The following PPP1R1C variants were observed in gnomAD, a reference collection of about 807,000 sequenced individuals.
PPP1R1C encodes the protein protein phosphatase 1 regulatory subunit 1C.
Under a neutral mutation model 17.4 loss-of-function variants are expected in PPP1R1C, and 15 were observed. The ratio of observed to expected loss-of-function variants is 0.86; its 90% CI spans 0.58 to 1.33. The LOEUF is 1.33. PPP1R1C is among the 40% of genes most tolerant of loss of function. The probability of loss-of-function intolerance (pLI) is 0.00; values close to 1 mark genes in which losing one functional copy is unlikely to be tolerated. For synonymous variants in PPP1R1C, 35 were observed against 43.1 expected (o/e 0.81, Z 0.73); for missense variants, 143 against 130.0 (o/e 1.10, Z -0.48).
intron 4 of PPP1R1C, among the ~76,000 whole-genome samples, chr2:182,077,036 T>G (rs1688334189): frequency 6.6e-6 from 1 of 152,196 alleles, no homozygotes; most frequent in Non-Finnish European, 1.5e-5. Context: ...TACAGTTACT[T>G]GGGCATACAA....
In PPP1R1C at chr2:181,962,092, G is replaced by A. The variant is rs949256696; in HGVS notation, n.111+7458G>A. The stretch of plus-strand genomic sequence containing the variant: ...CCCTCAGGTCCTCGATGGTCTTGAG[G>A]TAATGACTCCAGTCTCTGACCTGGA... On this transcript the variant is annotated intron_variant and non_coding_transcript_variant, in intron 1 of 5. Coordinates refer to the PPP1R1C transcript ENST00000464264. The surrounding 1 kb of genome is among the most constrained non-coding windows in gnomAD (Gnocchi z 6.0). 4 of 722,010 alleles carry A rather than the reference G, an allele frequency of 5.5e-6. No homozygotes were observed. The highest frequency in any genetic ancestry group is 2.7e-5 in the South Asian group (2 of 73,366). 44.7% of individuals were successfully genotyped at this position (722,010 alleles called of 1,614,324 possible).
chr2:182,078,253 T>G (rs1688373633), intron 4 of PPP1R1C, among the ~76,000 whole-genome samples: 1 of 152,202 alleles, frequency 6.6e-6, no homozygotes, highest in South Asian at 2.1e-4. Context: ...TCTTCTTATT[T>G]TTATGATTAT....
chr2:182,032,556 A>G (rs1686878276), intron 2 of PPP1R1C, among the ~76,000 whole-genome samples: 1 of 152,158 alleles, frequency 6.6e-6, no homozygotes, highest in Admixed American at 6.5e-5. Context: ...GCCCCACCAC[A>G]TACTTATTTT....
intron 4 of PPP1R1C, among the ~76,000 whole-genome samples, chr2:182,069,617 C>G (rs1312673733): frequency 1.3e-5 from 2 of 152,048 alleles, no homozygotes; most frequent in South Asian, 2.1e-4. Context: ...AAAACAGAGT[C>G]CAGTAACTTA....
At position 182,002,927 on chromosome 2, in the gene PPP1R1C, A is replaced by ACCC. The variant is rs200353111; in HGVS notation, c.142+15030_142+15031insCCC. 3.8e-3 allele frequency among the ~76,000 whole-genome samples: 349 copies of ACCC among 90,812 alleles called. 5 individuals carry two copies. Among genetic ancestry groups the ACCC allele is most frequent in the Middle Eastern group, 0.013 (2 of 156 alleles). The allele number at this position is 90,812 out of a possible 152,430, so 59.6% of individuals were successfully genotyped here. ...CATACCACCAAGAGTGATGCCATAA[A>ACCC]CCTCCCCCCCCCCACAACCCTGAAA... is the stretch of plus-strand genomic sequence containing the variant. On this transcript the variant is annotated intron_variant, in intron 2 of 4. Coordinates refer to ENST00000682840, the MANE Select transcript of PPP1R1C (RefSeq NM_001080545.3).
At chr2:182,061,312 A>G (rs922352558) in intron 2 of PPP1R1C, 130 bp from the exon 3 acceptor site, 2 of 632,658 alleles carry the variant, frequency 3.2e-6, no homozygotes, top group East Asian at 3.4e-5. Context: ...TCTCCTTCTT[A>G]GCTGTAAGTT....
chr2:182,059,748 C>A (rs138986363), intron 2 of PPP1R1C, among the ~76,000 whole-genome samples: 2,577 of 151,632 alleles, frequency 0.017, 64 homozygotes, highest in African/African-American at 0.059. Context: ...ACAAAACAAA[C>A]CTTTTTTCAT....
At chr2:182,023,559 A>C (rs1042499531) in intron 2 of PPP1R1C, among the ~76,000 whole-genome samples, 2 of 152,234 alleles carry the variant, frequency 1.3e-5, no homozygotes, top group Non-Finnish European at 2.9e-5. Flanking sequence ...CTGGAGTTGA[A>C]AGGACATTGA....
chr2:181,980,494 C>A (rs1189773377), intron 2 of PPP1R1C, among the ~76,000 whole-genome samples: 1 of 152,172 alleles, frequency 6.6e-6, no homozygotes, highest in African/African-American at 2.4e-5. Flanking sequence ...GACTGTGTCC[C>A]CATGACACTC....
At chr2:182,060,148 C>G (rs186139616) in intron 2 of PPP1R1C, among the ~76,000 whole-genome samples, 62 of 152,146 alleles carry the variant, frequency 4.1e-4, no homozygotes, top group African/African-American at 1.4e-3. Flanking sequence ...ACTAAACTGT[C>G]TGTCCTCCCT....
chr2:182,038,028 A>G (rs150449717), intron 2 of PPP1R1C, among the ~76,000 whole-genome samples: 2 of 151,806 alleles, frequency 1.3e-5, no homozygotes, highest in African/African-American at 4.8e-5. Context: ...ATTTATATTT[A>G]TATGTATTTT....
At chr2:182,003,288 C>A (rs1019353115) in intron 2 of PPP1R1C, among the ~76,000 whole-genome samples, 1 of 152,112 alleles carries the variant, frequency 6.6e-6, no homozygotes, top group Non-Finnish European at 1.5e-5. Context: ...ATTTCTTAGT[C>A]TGAAGAAATA....
At position 182,019,897 on chromosome 2, in the gene PPP1R1C, GTT is replaced by G. The variant is rs200251609; in HGVS notation, c.142+31999_142+32000del. 2.0e-4 allele frequency among the ~76,000 whole-genome samples: 31 copies of G among 152,322 alleles called. No homozygotes were observed. The East Asian group carries it at 5.6e-3, about 27-fold the overall frequency. ...AGCTTAGCAACTAATTTGATGAAGT[GTT>G]CTTCAGAGTAAGCAGTGGCATATAG... On this transcript the variant is annotated intron_variant, in intron 2 of 4. Coordinates refer to ENST00000682840, the MANE Select transcript of PPP1R1C (RefSeq NM_001080545.3).
intron 4 of PPP1R1C, among the ~76,000 whole-genome samples, chr2:182,098,169 C>A (rs766272028): frequency 1.3e-5 from 2 of 152,044 alleles, no homozygotes; most frequent in Non-Finnish European, 2.9e-5. Context: ...ATTGAAACAG[C>A]AAATGTAGGC....
intron 4 of PPP1R1C, among the ~76,000 whole-genome samples, chr2:182,115,120 A>G (rs1208831063): frequency 6.6e-6 from 1 of 152,148 alleles, no homozygotes; most frequent in Non-Finnish European, 1.5e-5. Flanking sequence ...AACCTTTGCA[A>G]ACCTGGCAAG....
intron 2 of PPP1R1C, among the ~76,000 whole-genome samples, chr2:182,044,029 C>T (rs954396444): frequency 6.6e-6 from 1 of 152,176 alleles, no homozygotes; most frequent in African/African-American, 2.4e-5. Flanking sequence ...CACCTGTTCC[C>T]CCACCCTCAC....
At chr2:182,072,484 C>T (rs1688167922) in intron 4 of PPP1R1C, among the ~76,000 whole-genome samples, 1 of 152,210 alleles carries the variant, frequency 6.6e-6, no homozygotes, top group South Asian at 2.1e-4. Context: ...TGAAAGGTAA[C>T]TAAAATAGTT....
At chr2:182,015,765 T>C (rs1686247051) in intron 2 of PPP1R1C, among the ~76,000 whole-genome samples, 1 of 152,158 alleles carries the variant, frequency 6.6e-6, no homozygotes, top group Non-Finnish European at 1.5e-5. Context: ...TGTTCCACTG[T>C]GGCTGAGCTG....
intron 2 of PPP1R1C, among the ~76,000 whole-genome samples, chr2:182,008,917 A>G (rs990177355): frequency 6.6e-6 from 1 of 152,220 alleles, no homozygotes; most frequent in Non-Finnish European, 1.5e-5. Context: ...TCCACTTAAC[A>G]TAATGATGTC....
Sources: gnomAD v4.1 joint callset for allele counts (sites outside exome capture counted in the v4.1 genomes callset) on GRCh38, gnomAD v4.1.1 for gene constraint, Gnocchi (gnomAD v3.1) non-coding constraint, MANE v1.5 for transcripts, NCBI Gene and HGNC (gene_info 2026-07-23, HGNC 2026-07-21) for gene names.